The following GSE1 variants were observed in gnomAD, a reference collection of about 807,000 sequenced individuals.
The protein encoded by GSE1 is Gse1 coiled-coil protein, also known as genetic suppressor element 1.
A neutral mutation model predicts 112.6 loss-of-function variants in GSE1; 32 were observed. The ratio of observed to expected loss-of-function variants is 0.28; its 90% CI spans 0.21 to 0.38. GSE1 has a LOEUF of 0.38. Among genes scored for constraint, GSE1 ranks in the 10% least tolerant of loss-of-function variants. The pLI is 1.00. For synonymous variants in GSE1, 1,115 were observed against 735.6 expected (o/e 1.52, Z -8.35); for missense variants, 2,348 against 1,699.2 (o/e 1.38, Z -6.71).
At chr16:85,539,544 G>A (rs2044447832) in intron 2 of GSE1, among the ~76,000 whole-genome samples, 1 of 152,206 alleles carries the variant, frequency 6.6e-6, no homozygotes, top group African/African-American at 2.4e-5. Context: ...AATTATAACG[G>A]TGGGGGGTGC....
intron 1 of GSE1, among the ~76,000 whole-genome samples, chr16:85,293,423 G>A (rs551494700): frequency 3.3e-5 from 5 of 152,116 alleles, no homozygotes; most frequent in Admixed American, 6.6e-5. Flanking sequence ...GTGTGTGCCC[G>A]TAATCCCAGC....
chr16:85,607,838 C>CTTG (rs915171998), upstream of GSE1, among the ~76,000 whole-genome samples: 8 of 152,248 alleles, frequency 5.3e-5, no homozygotes, highest in Admixed American at 4.6e-4. Flanking sequence ...GCCTTCTTCC[C>CTTG]TTGAGGCCCC....
intron 1 of GSE1, among the ~76,000 whole-genome samples, chr16:85,300,748 G>A (rs1244998626): frequency 6.6e-6 from 1 of 152,222 alleles, no homozygotes; most frequent in Non-Finnish European, 1.5e-5. Context: ...CTGCCTCTCG[G>A]CTTCCGCTTC....
chr16:85,503,486 A>C (rs889716983), intron 2 of GSE1, among the ~76,000 whole-genome samples: 3 of 152,124 alleles, frequency 2.0e-5, no homozygotes, highest in African/African-American at 7.2e-5. Context: ...CAGAGCCTCC[A>C]CAAAATTACA....
intron 1 of GSE1, among the ~76,000 whole-genome samples, chr16:85,303,970 A>G (rs755297447): frequency 2.6e-4 from 40 of 152,240 alleles, no homozygotes; most frequent in Non-Finnish European, 5.4e-4. Context: ...GACAGCGGAG[A>G]CAATGAGAAC....
At chr16:85,304,730 G>A (rs987258798) in intron 1 of GSE1, among the ~76,000 whole-genome samples, 1 of 152,078 alleles carries the variant, frequency 6.6e-6, no homozygotes, top group African/African-American at 2.4e-5. Context: ...ACCTGCAGAA[G>A]ATGGCAGAGA....
At chr16:85,349,173 G>C (rs1285696761) in intron 1 of GSE1, among the ~76,000 whole-genome samples, 1 of 152,112 alleles carries the variant, frequency 6.6e-6, no homozygotes, top group Admixed American at 6.5e-5. Context: ...TAACCCTTTA[G>C]TTGTCTGCTT....
intron 2 of GSE1, among the ~76,000 whole-genome samples, chr16:85,466,190 C>A (rs190219443): frequency 6.6e-6 from 1 of 152,234 alleles, no homozygotes. Flanking sequence ...AAAGCCAGGT[C>A]GTGGTAACCT....
chr16:85,539,047 G>A lies in GSE1; in HGVS notation c.2465-94867G>A, dbSNP rs540237948. 1.5e-3 allele frequency among the ~76,000 whole-genome samples: 230 copies of A among 152,324 alleles called. 1 individual carries two copies. Among genetic ancestry groups the A allele is most frequent in the African/African-American group, 5.3e-3 (222 of 41,578 alleles). ...TGCCCCTGCACAGTGCCAGCCCCGCGGGGCATGGCTCACCTTCCCCTGCCT... is the reference window on the plus strand; with the variant it reads ...TGCCCCTGCACAGTGCCAGCCCCGCAGGGCATGGCTCACCTTCCCCTGCCT... On this transcript the variant is annotated intron_variant, in intron 2 of 2. Transcript: ENST00000637419.
intron 1 of GSE1, among the ~76,000 whole-genome samples, chr16:85,241,605 C>T (rs1021486862): frequency 1.3e-5 from 2 of 152,144 alleles, no homozygotes; most frequent in Non-Finnish European, 2.9e-5. Context: ...GTGTGGTCTC[C>T]CAGTGCCTGG....
intron 3 of GSE1, 82 bp from the exon 4 acceptor site, chr16:85,654,196 G>T (rs917592738): frequency 5.4e-6 from 7 of 1,305,678 alleles, no homozygotes; most frequent in Non-Finnish European, 7.4e-6. Context: ...GCGCCTTCCC[G>T]TGAGTCAGGA....
intron 1 of GSE1, among the ~76,000 whole-genome samples, chr16:85,315,901 C>T (rs1288225733): frequency 2.0e-5 from 3 of 151,998 alleles, no homozygotes; most frequent in Non-Finnish European, 2.9e-5. Flanking sequence ...CTGCATCCCA[C>T]GCCAGAGCAC....
chr16:85,675,847 G>C lies in GSE1; in HGVS notation c.*3308G>C, dbSNP rs1014864308. The stretch of plus-strand genomic sequence containing the variant: ...TATTCTTTCAAGTAACCAAGCTGTT[G>C]ACTTTCTTACTACTTGCAGTAGCCT... On this transcript the variant is annotated 3_prime_UTR_variant, in exon 16 of 16. Transcript: ENST00000253458. 1 of 152,288 alleles carries C rather than the reference G, an allele frequency of 6.6e-6. No homozygotes were observed. The highest frequency in any genetic ancestry group is 1.5e-5 in the Non-Finnish European group (1 of 68,030). The allele number at this position is 152,288 out of a possible 1,614,324, so 9.4% of individuals were successfully genotyped here.
chr16:85,439,534 T>TCACACA (rs66487058), intron 2 of GSE1, among the ~76,000 whole-genome samples: 67 of 149,962 alleles, frequency 4.5e-4, no homozygotes, highest in African/African-American at 1.5e-3. Flanking sequence ...ACACGGTCTG[T>TCACACA]CACACACACA....
At chr16:85,470,782 C>T (rs186507725) in intron 2 of GSE1, among the ~76,000 whole-genome samples, 1 of 152,248 alleles carries the variant, frequency 6.6e-6, no homozygotes, top group Admixed American at 6.5e-5. Flanking sequence ...TGGAGAAACG[C>T]TGTGACCCAG....
chr16:85,438,894 C>T (rs149879799), intron 2 of GSE1, among the ~76,000 whole-genome samples: 1 of 152,298 alleles, frequency 6.6e-6, no homozygotes, highest in Non-Finnish European at 1.5e-5. Flanking sequence ...GGAATCTACC[C>T]GTGCAGTCCT....
At chr16:85,250,473 TC>T (rs1263458331) in intron 1 of GSE1, among the ~76,000 whole-genome samples, 1 of 152,104 alleles carries the variant, frequency 6.6e-6, no homozygotes. Flanking sequence ...GGGCCAGGCC[TC>T]CCCCGACCCC....
chr16:85,294,607 A>C (rs2045309355), intron 1 of GSE1, among the ~76,000 whole-genome samples: 2 of 119,554 alleles, frequency 1.7e-5, no homozygotes, highest in African/African-American at 3.7e-5. Flanking sequence ...TCTTGCCAGC[A>C]CGCCTCTCAC....
intron 1 of GSE1, among the ~76,000 whole-genome samples, chr16:85,253,576 AC>A (rs1446802985): frequency 1.3e-5 from 2 of 152,164 alleles, no homozygotes; most frequent in Non-Finnish European, 1.5e-5. Context: ...CCCAGGGCTC[AC>A]TGTGCCAGGG....
Sources: allele counts gnomAD v4.1 joint callset (sites outside exome capture counted in the v4.1 genomes callset), GRCh38; gene constraint gnomAD v4.1.1; transcripts MANE v1.5; gene names NCBI Gene and HGNC (gene_info 2026-07-23, HGNC 2026-07-21).